The following ZNF562 variants were observed in gnomAD, a reference collection of about 807,000 sequenced individuals.
ZNF562 encodes the protein zinc finger protein 562.
A neutral mutation model predicts 17.5 loss-of-function variants in ZNF562; 13 were observed. That is an observed-to-expected ratio of 0.74 (90% CI 0.48 to 1.18). The LOEUF (loss-of-function observed/expected upper bound fraction) is 1.18, where lower values mean the gene tolerates loss of function less well. ZNF562 is among the 50% of genes most tolerant of loss of function. The pLI, the probability that ZNF562 is intolerant of heterozygous loss-of-function variation, is 0.00. For synonymous variants in ZNF562, 163 were observed against 165.4 expected, an observed-to-expected ratio of 0.99 and a Z score of 0.11; for missense variants, 481 against 498.5, an observed-to-expected ratio of 0.96 and a Z score of 0.33.
rs780374830 is a variant in ZNF562, at chr19:9,653,691, G to T, written c.539C>A (p.Pro180Gln). The change falls in exon 6 of 6, where the codon CCA becomes CAA. Residue 180 changes from proline to glutamine, a missense_variant. Pro to Gln is a moderately conservative substitution (Grantham distance 76). Transcript: ENST00000453372. Reference protein sequence around the residue: ...SIGQELSKFNPCGKVFTLTPG... With the variant: ...SIGQELSKFNQCGKVFTLTPG... ...AGTTAAGGTGAAGACTTTTCCACAT[G>T]GATTAAATTTGGAAAGTTCTTGTCC... is the stretch of plus-strand genomic sequence containing the variant. The T allele has an allele frequency of 6.2e-7, 1 of 1,614,022 alleles. No individual in the cohort carries two copies. The highest frequency in any genetic ancestry group is 1.7e-5 in the Admixed American group (1 of 59,992).
At position 9,656,217 on chromosome 19, in the gene ZNF562, A is replaced by T. The variant is rs189108798; in HGVS notation, c.348+330T>A. ...CTTTTCTGAGAGAGGAAATTAAGAA[A>T]TATCCCTCATGGCCTGACACAGTGG... is the stretch of plus-strand genomic sequence containing the variant. On this transcript the variant is annotated intron_variant, in intron 5 of 5. Transcript: ENST00000453372. Among the ~76,000 whole-genome samples, 5 of 152,314 alleles carry T rather than the reference A, an allele frequency of 3.3e-5. No homozygotes were observed. In the East Asian group the frequency reaches 5.8e-4, roughly 18 times the overall value.
intron 3 of ZNF562, among the ~76,000 whole-genome samples, chr19:9,659,060 G>A (rs182679469): frequency 2.6e-4 from 40 of 152,366 alleles, no homozygotes; most frequent in Admixed American, 2.3e-3. Context: ...ATGCTGATGA[G>A]TGAATTAATT....
chr19:9,662,699 A>G (rs898464266), intron 1 of ZNF562, among the ~76,000 whole-genome samples: 2 of 151,550 alleles, frequency 1.3e-5, no homozygotes, highest in African/African-American at 4.8e-5. Flanking sequence ...GGCTAACACA[A>G]TGAAACCCCG....
chr19:9,661,204 C>T (rs2145001943), intron 1 of ZNF562, among the ~76,000 whole-genome samples: 1 of 152,272 alleles, frequency 6.6e-6, no homozygotes, highest in Middle Eastern at 3.4e-3. Context: ...GGTTTAAGTA[C>T]AATGACACAA....
In ZNF562 at chr19:9,669,734, G is replaced by GCGCACACACACACA. The variant is rs1221319747; in HGVS notation, c.-131+5280_-131+5281insTGTGTGTGTGTGCG. Among the ~76,000 whole-genome samples the GCGCACACACACACA allele has an allele frequency of 6.4e-5, 7 of 109,342 alleles. 1 individual carries two copies. The highest frequency in any genetic ancestry group is 7.0e-4 in the South Asian group (2 of 2,846). 71.7% of individuals were successfully genotyped at this position (109,342 alleles called of 152,430 possible). On this transcript the variant is annotated intron_variant, in intron 1 of 5. Coordinates refer to ENST00000453372, the MANE Select transcript of ZNF562 (RefSeq NM_001130031.2). ...CGCGCGCGAGCGCGCGCGCGCGCGC[G>GCGCACACACACACA]CACACACACACACACACACACACAC...
At position 9,646,805 on chromosome 19, in the gene ZNF562, CTT is replaced by C. The variant is rs2074810041; in HGVS notation, c.*6142_*6143del. The C allele has an allele frequency of 6.6e-5, 9 of 137,290 alleles. No individual in the cohort carries two copies. The highest frequency in any genetic ancestry group is 1.9e-4 in the African/African-American group (7 of 36,878). The allele number at this position is 137,290 out of a possible 1,614,324, so 8.5% of individuals were successfully genotyped here. ...TTTTTTTATGAGATGGAGTTTTGCTCTTGTCACCCAGGCTGGAGTGCAGTGGC... is the reference window on the plus strand; with the variant it reads ...TTTTTTTATGAGATGGAGTTTTGCTCGTCACCCAGGCTGGAGTGCAGTGGC... On this transcript the variant is annotated 3_prime_UTR_variant, in exon 6 of 6. Transcript: ENST00000453372.
chr19:9,667,122 C>T (rs1360020105), intron 1 of ZNF562, among the ~76,000 whole-genome samples: 1 of 152,140 alleles, frequency 6.6e-6, no homozygotes, highest in Non-Finnish European at 1.5e-5. Flanking sequence ...AAATTCTCAC[C>T]AAAATATTAG....
chr19:9,662,368 G>A (rs958300821), intron 1 of ZNF562, among the ~76,000 whole-genome samples: 2 of 152,032 alleles, frequency 1.3e-5, no homozygotes, highest in South Asian at 2.1e-4. Flanking sequence ...GAGGTCAGGA[G>A]TTCAAGACCA....
At chr19:9,674,112 C>G (rs138949148) in intron 1 of ZNF562, among the ~76,000 whole-genome samples, 2 of 152,164 alleles carry the variant, frequency 1.3e-5, no homozygotes, top group Admixed American at 6.5e-5. Flanking sequence ...TGTCCTTCCC[C>G]GATGGCTAGG....
rs776105392 is a variant in ZNF562 at position 9,653,576 on chromosome 19, G to T, written c.654C>A (p.Ser218Arg). 6 of 1,614,132 alleles carry T rather than the reference G, an allele frequency of 3.7e-6. No individual in the cohort carries two copies. In the Admixed American group the frequency reaches 1.0e-4, roughly 27 times the overall value. The change falls in exon 6 of 6, where the codon AGC becomes AGA. Residue 218 changes from serine to arginine, a missense_variant. Ser to Arg is a moderately radical substitution (Grantham distance 110). Coordinates refer to ENST00000453372, the MANE Select transcript of ZNF562 (RefSeq NM_001130031.2). ...TGTGGATTCCCATGTGATTATCAAG[G>T]CTTGCAAAATACTTAAAGCCTTTTC... Reference protein sequence around the residue: ...ECGKGFKYFASLDNHMGIHIG... With the variant: ...ECGKGFKYFARLDNHMGIHIG...
intron 5 of ZNF562, among the ~76,000 whole-genome samples, chr19:9,654,548 G>A (rs541983308): frequency 3.9e-5 from 6 of 152,078 alleles, no homozygotes; most frequent in African/African-American, 1.2e-4. Context: ...TGCAACCTCC[G>A]CCTCCTGGGT....
rs1448972216 is a variant in ZNF562 at position 9,644,594 on chromosome 19, G to C, written c.*8355C>G. On this transcript the variant is annotated 3_prime_UTR_variant, in exon 6 of 6. Transcript: ENST00000453372. ...AAAATCATGACAGAAGGTGAAGGAG[G>C]AGCAAAGGCACATCTTATATGGCAG... 6.6e-6 allele frequency: 1 copy of C among 152,098 alleles called. No homozygotes were observed. Among genetic ancestry groups the C allele is most frequent in the Non-Finnish European group, 1.5e-5 (1 of 68,042 alleles). 9.4% of individuals were successfully genotyped at this position (152,098 alleles called of 1,614,324 possible).
chr19:9,672,728 C>G (rs569406085), intron 1 of ZNF562, among the ~76,000 whole-genome samples: 1 of 150,456 alleles, frequency 6.6e-6, no homozygotes, highest in African/African-American at 2.4e-5. Context: ...TGGGGAAGTA[C>G]AGACCTAAGA....
Position 9,648,865 on chromosome 19 carries a change from A to T in ZNF562, c.*4084T>A, listed in dbSNP as rs2074830695. ...TGAGTTTTATCAGTAAATAAACATGATCATCACAGAGGATGTGAAGGAAGC... is the reference window on the plus strand; with the variant it reads ...TGAGTTTTATCAGTAAATAAACATGTTCATCACAGAGGATGTGAAGGAAGC... On this transcript the variant is annotated 3_prime_UTR_variant, in exon 6 of 6. Transcript: ENST00000453372. 6.6e-6 allele frequency: 1 copy of T among 152,102 alleles called. No homozygotes were observed. The highest frequency in any genetic ancestry group is 2.4e-5 in the African/African-American group (1 of 41,406). 9.4% of individuals were successfully genotyped at this position (152,102 alleles called of 1,614,324 possible). A position where few individuals can be genotyped will look rare whatever the true frequency, so the allele number is the denominator to read the frequency against.
In ZNF562 at chr19:9,658,212, A is replaced by T. The variant is rs2043593167; in HGVS notation, c.115-77T>A. On this transcript the variant is annotated intron_variant, in intron 3 of 5. Coordinates refer to ENST00000453372, the MANE Select transcript of ZNF562 (RefSeq NM_001130031.2). ...TTCACTGGAGAATGAGGAAAGGGGA[A>T]CCTTATACTCACTTATACGTGGTTC... is the stretch of plus-strand genomic sequence containing the variant. The T allele has an allele frequency of 5.3e-6, 8 of 1,518,560 alleles. 1 individual carries two copies. The highest frequency in any genetic ancestry group is 2.6e-5 in the South Asian group (2 of 76,804). The allele number at this position is 1,518,560 out of a possible 1,614,324, so 94.1% of individuals were successfully genotyped here. A position where few individuals can be genotyped will look rare whatever the true frequency, so the allele number is the denominator to read the frequency against.
chr19:9,671,312 T>C (rs532391405), intron 1 of ZNF562, among the ~76,000 whole-genome samples: 1 of 152,322 alleles, frequency 6.6e-6, no homozygotes, highest in South Asian at 2.1e-4. Context: ...GGGGCCACCA[T>C]GTCTGTGGGT....
intron 1 of ZNF562, among the ~76,000 whole-genome samples, chr19:9,668,167 A>G (rs1427457464): frequency 6.6e-6 from 1 of 152,054 alleles, no homozygotes; most frequent in African/African-American, 2.4e-5. Flanking sequence ...CTTAAGCCCA[A>G]CAGTTCAAGA....
chr19:9,653,135 A>G lies in ZNF562; in HGVS notation c.1095T>C (p.Asn365=). ...ACTGATAGGGTTTCTCTCCAGTGTG[A>G]TTTCGTATGTGTATAGCAAGGCCCG... ...QYTGLAIHIR[N]HTGEKPYQCK... The change falls in exon 6 of 6, where the codon AAT becomes AAC. Residue 365 remains asparagine (N), a synonymous_variant. Coordinates refer to ENST00000453372, the MANE Select transcript of ZNF562 (RefSeq NM_001130031.2). 6.2e-7 allele frequency: 1 copy of G among 1,611,632 alleles called. No individual in the cohort carries two copies. The highest frequency in any genetic ancestry group is 1.3e-5 in the African/African-American group (1 of 74,978).
At chr19:9,666,596 T>G (rs1031395695) in intron 1 of ZNF562, among the ~76,000 whole-genome samples, 1 of 151,302 alleles carries the variant, frequency 6.6e-6, no homozygotes, top group African/African-American at 2.4e-5. Context: ...AGAAGATCAA[T>G]AAAACATAAA....
Sources: allele counts gnomAD v4.1 joint callset (sites outside exome capture counted in the v4.1 genomes callset), GRCh38; gene constraint gnomAD v4.1.1; transcripts MANE v1.5; gene names NCBI Gene and HGNC (gene_info 2026-07-23, HGNC 2026-07-21).